Variants in MGA observed in about 807,000 individuals in gnomAD.
The protein encoded by MGA is MAX gene-associated protein.
A neutral mutation model predicts 261.1 loss-of-function variants in MGA; 40 were observed. That is an observed-to-expected ratio of 0.15 (90% CI 0.12 to 0.20). MGA has a LOEUF of 0.20. MGA is among the 10% of genes least tolerant of loss of function. MGA has a pLI of 1.00. For missense variants in MGA, 3,397 were observed against 3,630.5 expected (o/e 0.94, Z 1.65); for synonymous variants, 1,302 against 1,290.6 (o/e 1.01, Z -0.19).
chr15:41,683,930 TTTTTA>T (rs554997817), intron 2 of MGA, among the ~76,000 whole-genome samples: 6 of 152,136 alleles, frequency 3.9e-5, no homozygotes, highest in Admixed American at 1.3e-4. Context: ...AAAAAAATTA[TTTTTA>T]TTTTATTTTA....
chr15:41,748,704 T>C lies in MGA; in HGVS notation c.5280T>C (p.Pro1760=), dbSNP rs760334597. Reference sequence around the variant, plus strand: ...CTAACACAGTGAAACGTGCTGGACCTCGATTGTTGTTGATTCCAGTGCAGC... The same window carrying C: ...CTAACACAGTGAAACGTGCTGGACCCCGATTGTTGTTGATTCCAGTGCAGC... The change falls in exon 16 of 24, where the codon CCT becomes CCC. Residue 1760 remains proline (P), a synonymous_variant. Coordinates refer to ENST00000219905, the MANE Select transcript of MGA (RefSeq NM_001164273.2). The C allele has an allele frequency of 1.2e-6, 2 of 1,614,000 alleles. No homozygotes were observed. Among genetic ancestry groups the C allele is most frequent in the Non-Finnish European group, 1.7e-6 (2 of 1,179,890 alleles).
Position 41,748,925 on chromosome 15 carries a change from C to T in MGA, c.5501C>T (p.Pro1834Leu). ...TTACAGCCTGTCATGTTTCGGAACC[C>T]AGGTATAAAGTTCTTTTTTATGAAC... is the stretch of plus-strand genomic sequence containing the variant. The change falls in exon 16 of 24, where the codon CCA becomes CTA. Residue 1834 changes from proline to leucine, a missense_variant and splice_region_variant. Transcript: ENST00000219905. 6.2e-7 allele frequency: 1 copy of T among 1,613,260 alleles called. No individual in the cohort carries two copies. Among genetic ancestry groups the T allele is most frequent in the African/African-American group, 1.3e-5 (1 of 74,986 alleles).
At chr15:41,719,055 A>G (rs1370579957) in intron 9 of MGA, among the ~76,000 whole-genome samples, 1 of 152,256 alleles carries the variant, frequency 6.6e-6, no homozygotes, top group Non-Finnish European at 1.5e-5. Context: ...AGGTTGCAGC[A>G]TACATTATCA....
At chr15:41,752,086 G>T (rs1035592900) in intron 17 of MGA, 3 of 152,288 alleles carry the variant, frequency 2.0e-5, no homozygotes, top group African/African-American at 7.2e-5. Flanking sequence ...AGGCTGGAGT[G>T]CAGTGGTGCG....
chr15:41,633,352 GTATTTT>G (rs2056632991), intron 1 of MGA, among the ~76,000 whole-genome samples: 1 of 93,988 alleles, frequency 1.1e-5, no homozygotes, highest in Non-Finnish European at 2.3e-5. Flanking sequence ...CCCTCCTATG[GTATTTT>G]TTTTTTTTTT....
intron 1 of MGA, among the ~76,000 whole-genome samples, chr15:41,630,076 T>C (rs1290640225): frequency 2.0e-5 from 3 of 152,174 alleles, no homozygotes; most frequent in Non-Finnish European, 4.4e-5. Context: ...AGAGCCTTCA[T>C]TGTCTGAGTA....
Position 41,760,346 on chromosome 15 carries a change from G to C in MGA, c.7215G>C (p.Leu2405=), listed in dbSNP as rs1399156139. ...AGGCTCCACCAATTCCTCTAAAACT[G>C]AAGCCTGATTACTGGAGTGACAAAC... is the stretch of plus-strand genomic sequence containing the variant. The change falls in exon 20 of 24, where the codon CTG becomes CTC. Residue 2405 remains leucine, a synonymous_variant. Transcript: ENST00000219905. The C allele has an allele frequency of 6.2e-7, 1 of 1,613,992 alleles. No individual in the cohort carries two copies. Among genetic ancestry groups the C allele is most frequent in the Admixed American group, 1.7e-5 (1 of 60,024 alleles).
At chr15:41,729,591 G>A (rs2061405291) in intron 11 of MGA, among the ~76,000 whole-genome samples, 1 of 152,020 alleles carries the variant, frequency 6.6e-6, no homozygotes, top group Non-Finnish European at 1.5e-5. Context: ...GGACGCTGAG[G>A]CAGGCGGATC....
intron 11 of MGA, among the ~76,000 whole-genome samples, chr15:41,731,511 T>G (rs2061508020): frequency 6.6e-6 from 1 of 152,180 alleles, no homozygotes. Flanking sequence ...TATACTACTT[T>G]TACTTTGTTA....
Position 41,760,539 on chromosome 15 carries a change from C to A in MGA, c.7398+10C>A, listed in dbSNP as rs1402291830. 2 of 1,612,470 alleles carry A rather than the reference C, an allele frequency of 1.2e-6. No individual in the cohort carries two copies. Among genetic ancestry groups the A allele is most frequent in the African/African-American group, 1.3e-5 (1 of 74,978 alleles). On this transcript the variant is annotated intron_variant, in intron 20 of 23. Coordinates refer to ENST00000219905, the MANE Select transcript of MGA (RefSeq NM_001164273.2). ...TCTCATTCTTACTCGAGTAAGTGTT[C>A]TGTGTAAATGACAGTAAGAGCTTGA...
rs548601606 is a variant in MGA at position 41,690,674 on chromosome 15, G to A, written c.1065-5401G>A. 9.3e-4 allele frequency among the ~76,000 whole-genome samples: 141 copies of A among 152,164 alleles called. 2 individuals carry two copies. In the South Asian group the frequency reaches 0.029, roughly 31 times the overall value. The stretch of plus-strand genomic sequence containing the variant: ...GTTTGAGACCAGCCTGGTCAACATG[G>A]TGAAACCCTGTCTCTACTAAAGAGA... On this transcript the variant is annotated intron_variant, in intron 2 of 23. Coordinates refer to ENST00000219905, the MANE Select transcript of MGA (RefSeq NM_001164273.2).
At chr15:41,726,745 A>T (rs866785773) in intron 9 of MGA, among the ~76,000 whole-genome samples, 5,376 of 146,088 alleles carry the variant, frequency 0.037, 146 homozygotes, top group South Asian at 0.075. Context: ...AAAAAAAAAA[A>T]TTTTTTTTCA....
chr15:41,631,810 A>C (rs746710531), intron 1 of MGA, among the ~76,000 whole-genome samples: 16 of 152,212 alleles, frequency 1.1e-4, no homozygotes, highest in Non-Finnish European at 2.2e-4. Context: ...TTTTTTGAGA[A>C]GATAAATACA....
chr15:41,626,480 T>A (rs114760301), intron 1 of MGA, among the ~76,000 whole-genome samples: 2,866 of 152,264 alleles, frequency 0.019, 88 homozygotes, highest in African/African-American at 0.066. Context: ...TAGAGTGCAA[T>A]GGTGCTATCT....
At chr15:41,638,527 A>C (rs904808642) in intron 1 of MGA, among the ~76,000 whole-genome samples, 2 of 151,476 alleles carry the variant, frequency 1.3e-5, no homozygotes, top group African/African-American at 4.9e-5. Flanking sequence ...CACCACACTC[A>C]GTTAATTTTT....
intron 2 of MGA, among the ~76,000 whole-genome samples, chr15:41,683,094 A>G (rs913239172): frequency 3.2e-4 from 48 of 152,090 alleles, no homozygotes; most frequent in African/African-American, 1.1e-3. Context: ...GTTTGATGGC[A>G]TGTTTTGCTC....
At chr15:41,627,126 C>A (rs1400346357) in intron 1 of MGA, among the ~76,000 whole-genome samples, 1 of 152,144 alleles carries the variant, frequency 6.6e-6, no homozygotes, top group African/African-American at 2.4e-5. Context: ...CCAGGTTGGT[C>A]TCCTGAGCTC....
chr15:41,624,228 G>C (rs1595529695), intron 1 of MGA, among the ~76,000 whole-genome samples: 1 of 151,052 alleles, frequency 6.6e-6, no homozygotes. Context: ...CCACACCCAG[G>C]TAATTTTTGT....
chr15:41,661,730 C>T (rs1246468572), intron 1 of MGA, among the ~76,000 whole-genome samples: 1 of 152,206 alleles, frequency 6.6e-6, no homozygotes, highest in Non-Finnish European at 1.5e-5. Flanking sequence ...TGGTTAACAA[C>T]TGCTTGCTCT....
Sources: gnomAD v4.1 joint callset for allele counts (sites outside exome capture counted in the v4.1 genomes callset) on GRCh38, gnomAD v4.1.1 for gene constraint, MANE v1.5 for transcripts, NCBI Gene and HGNC (gene_info 2026-07-23, HGNC 2026-07-21) for gene names.